The following CENPU variants were observed in gnomAD, a reference collection of about 807,000 sequenced individuals.
CENPU encodes the protein KSHV latent nuclear antigen interacting protein 1.
In CENPU, 46 loss-of-function variants were observed where a neutral mutation model predicts 56.7. The observed-to-expected ratio is 0.81, with a 90% CI of 0.64 to 1.04. CENPU has a LOEUF of 1.04. Among genes scored for constraint, CENPU ranks in the 50% least tolerant of loss-of-function variants. CENPU has a pLI of 0.00. For synonymous variants in CENPU, 166 were observed against 163.0 expected, an observed-to-expected ratio of 1.02 and a Z score of -0.14; for missense variants, 510 against 490.1, an observed-to-expected ratio of 1.04 and a Z score of -0.38.
intron 4 of CENPU, among the ~76,000 whole-genome samples, chr4:184,718,659 G>T (rs1365605576): frequency 6.6e-6 from 1 of 152,220 alleles, no homozygotes; most frequent in Non-Finnish European, 1.5e-5. Context: ...ACAGGGAGGT[G>T]GCAGGGGTGT....
chr4:184,725,589 G>A (rs114118148), intron 3 of CENPU, among the ~76,000 whole-genome samples: 66 of 152,268 alleles, frequency 4.3e-4, no homozygotes, highest in Non-Finnish European at 6.9e-4. Flanking sequence ...CCTGTCAGGC[G>A]TCATACACTC....
chr4:184,730,089 G>A (rs1457351539), intron 2 of CENPU, among the ~76,000 whole-genome samples: 5 of 152,214 alleles, frequency 3.3e-5, no homozygotes, highest in Non-Finnish European at 7.3e-5. Flanking sequence ...ACCAGGGACT[G>A]CCTTGCAGAG....
chr4:184,703,756 C>T (rs1376261605), intron 8 of CENPU, among the ~76,000 whole-genome samples: 2 of 152,158 alleles, frequency 1.3e-5, no homozygotes, highest in Non-Finnish European at 2.9e-5. Flanking sequence ...AAGGTGGGAA[C>T]AACTCAAGTG....
intron 6 of CENPU, among the ~76,000 whole-genome samples, chr4:184,713,473 A>G (rs969598636): frequency 7.2e-5 from 11 of 152,250 alleles, no homozygotes; most frequent in African/African-American, 2.2e-4. Context: ...CAGTAATACA[A>G]GGAAGCATTG....
chr4:184,733,877 C>CG, intron 1 of CENPU, 139 bp downstream of exon 1: 1 of 1,142,396 alleles, frequency 8.8e-7, no homozygotes, highest in Non-Finnish European at 1.3e-6. Context: ...AGGAGGAAGC[C>CG]GGGGACCCGG....
At chr4:184,713,274 C>G (rs1346346524) in intron 6 of CENPU, among the ~76,000 whole-genome samples, 1 of 152,118 alleles carries the variant, frequency 6.6e-6, no homozygotes, top group African/African-American at 2.4e-5. Context: ...GCCTATAGTC[C>G]CAGCTACTGG....
chr4:184,716,545 A>C lies in CENPU; in HGVS notation c.470T>G (p.Ile157Arg). ...TRRKVKSAEK[I>R]STQRHEVIRT... ...AATAACCTCATGACGTTGTGTACTT[A>C]TTTTCTCTGCTGATTTAACTTTTCT... Residue 157 changes from isoleucine to arginine, a missense_variant, in exon 6 of 13, where the codon ATA (isoleucine) becomes AGA (arginine). Coordinates refer to ENST00000281453, the MANE Select transcript of CENPU (RefSeq NM_024629.4). The C allele has an allele frequency of 6.2e-7, 1 of 1,613,848 alleles. No homozygotes were observed. The highest frequency in any genetic ancestry group is 8.5e-7 in the Non-Finnish European group (1 of 1,179,962).
chr4:184,714,868 A>G (rs13105721), intron 6 of CENPU, among the ~76,000 whole-genome samples: 38,898 of 151,852 alleles, frequency 0.26, 6,493 homozygotes, highest in Non-Finnish European at 0.36. Context: ...TGTAACTGAT[A>G]GATCAAGCAG....
In CENPU at chr4:184,711,550, CT is replaced by C. The variant is rs944704630; in HGVS notation, c.689-1371del. Among the ~76,000 whole-genome samples, 106 of 152,266 alleles carry C rather than the reference CT, an allele frequency of 7.0e-4. 1 individual carries two copies. Among genetic ancestry groups the C allele is most frequent in the African/African-American group, 2.5e-3 (103 of 41,554 alleles). On this transcript the variant is annotated intron_variant, in intron 7 of 12. Transcript: ENST00000281453. ...TTTGTACCTGCTGACCAGCCTCCCC[CT>C]CTCCCCTGCTCCCCACTAGCCTCCC...
intron 12 of CENPU, 74 bp downstream of exon 12, chr4:184,697,573 T>G (rs1264426611): frequency 2.2e-5 from 31 of 1,400,466 alleles, no homozygotes; most frequent in Non-Finnish European, 3.1e-5. Context: ...CCCCAAAGCT[T>G]CTGATACTCT....
At chr4:184,716,359 C>CT in intron 6 of CENPU, 38 bp downstream of exon 6, 3 of 1,436,904 alleles carry the variant, frequency 2.1e-6, no homozygotes, top group East Asian at 2.3e-5. Context: ...TTTCAATAAA[C>CT]TTTTTTTGCC....
intron 2 of CENPU, 139 bp from the exon 3 acceptor site, chr4:184,729,174 C>A: frequency 1.6e-6 from 1 of 643,596 alleles, no homozygotes; most frequent in East Asian, 2.6e-5. Context: ...TCACTACCTA[C>A]CCTGATTGGG....
chr4:184,713,158 A>AG, intron 6 of CENPU, 145 bp from the exon 7 acceptor site: 1 of 544,244 alleles, frequency 1.8e-6, no homozygotes, highest in East Asian at 3.3e-5. Flanking sequence ...TGGGAGGCTG[A>AG]GGCGGGCAGA....
intron 9 of CENPU, 51 bp downstream of exon 9, chr4:184,702,312 A>G: frequency 6.6e-6 from 10 of 1,519,978 alleles, no homozygotes; most frequent in Non-Finnish European, 9.1e-6. Context: ...ATGCTGCTAC[A>G]GGATTAGTGA....
At chr4:184,699,147 G>A (rs1275763072) in intron 11 of CENPU, among the ~76,000 whole-genome samples, 3 of 151,892 alleles carry the variant, frequency 2.0e-5, no homozygotes, top group Non-Finnish European at 4.4e-5. Context: ...CTAACATGGT[G>A]AAACCCTGTC....
rs765055386 is a variant in CENPU, at chr4:184,702,386, C to G, written c.853G>C (p.Val285Leu). The change falls in exon 9 of 13, where the codon GTT becomes CTT. Residue 285 changes from valine (V) to leucine (L), a missense_variant. Coordinates refer to ENST00000281453, the MANE Select transcript of CENPU (RefSeq NM_024629.4). ...ACCATTTTGATGAATTGTTCTTTAACATTAACATAAAATGTGGCGATGGCT... is the reference window on the plus strand; with the variant it reads ...ACCATTTTGATGAATTGTTCTTTAAGATTAACATAAAATGTGGCGATGGCT... ...KAAIATFYVNVKEQFIKMLKE... is the reference protein window; with the variant it reads ...KAAIATFYVNLKEQFIKMLKE... The G allele has an allele frequency of 1.9e-6, 3 of 1,612,224 alleles. No homozygotes were observed. Among genetic ancestry groups the G allele is most frequent in the Non-Finnish European group, 2.5e-6 (3 of 1,179,482 alleles).
At chr4:184,707,792 G>A (rs367740607) in intron 8 of CENPU, among the ~76,000 whole-genome samples, 1 of 152,146 alleles carries the variant, frequency 6.6e-6, no homozygotes, top group African/African-American at 2.4e-5. Context: ...TATTTCAAAC[G>A]GAAAACACAT....
At chr4:184,717,221 A>T in intron 4 of CENPU, 25 bp from the exon 5 acceptor site, 1 of 1,558,240 alleles carries the variant, frequency 6.4e-7, no homozygotes. Context: ...AGCCATCAAT[A>T]TCTTGTACAC....
intron 11 of CENPU, chr4:184,699,516 A>C: frequency 8.0e-7 from 1 of 1,252,722 alleles, no homozygotes; most frequent in South Asian, 1.2e-5. Flanking sequence ...TGTAAATGTT[A>C]GCTTTCCCTA....
Sources: allele counts gnomAD v4.1 joint callset (sites outside exome capture counted in the v4.1 genomes callset), GRCh38; gene constraint gnomAD v4.1.1; transcripts MANE v1.5; gene names NCBI Gene and HGNC (gene_info 2026-07-23, HGNC 2026-07-21).